TM4SF18: variants seen among roughly 807,000 people sequenced by gnomAD.
The protein encoded by TM4SF18 is transmembrane 4 L six family member 18, also known as transmembrane 4 L6 family member 18.
TM4SF18 carries 22 observed loss-of-function variants against 23.8 expected under a neutral mutation model. That is an observed-to-expected ratio of 0.92 (90% confidence interval 0.66 to 1.32). The LOEUF is 1.32. Among genes scored for constraint, TM4SF18 ranks in the 40% most tolerant of loss-of-function variants. TM4SF18 has a pLI of 0.00. For missense variants in TM4SF18, 255 were observed against 240.3 expected, an observed-to-expected ratio of 1.06 and a Z score of -0.41; for synonymous variants, 87 against 87.9, an observed-to-expected ratio of 0.99 and a Z score of 0.06.
chr3:149,323,012 C>T (rs1408880348), intron 4 of TM4SF18, among the ~76,000 whole-genome samples: 1 of 151,908 alleles, frequency 6.6e-6, no homozygotes, highest in Non-Finnish European at 1.5e-5. Context: ...ACGCCATTCT[C>T]CTGCCTCAGC....
chr3:149,322,204 G>T, intron 5 of TM4SF18, 52 bp downstream of exon 5: 1 of 1,492,236 alleles, frequency 6.7e-7, no homozygotes, highest in Non-Finnish European at 9.1e-7. Flanking sequence ...ATTGAATCCT[G>T]GGAAGTGGGG....
In TM4SF18 at chr3:149,324,451, G is replaced by T. The variant is rs979816872; in HGVS notation, c.410+429C>A. Among the ~76,000 whole-genome samples, 16 of 152,016 alleles carry T rather than the reference G, an allele frequency of 1.1e-4. No homozygotes were observed. In the East Asian group the frequency reaches 1.2e-3, roughly 11 times the overall value. The stretch of plus-strand genomic sequence containing the variant: ...TAGCCCTGAGTGGCACCATCCAAGA[G>T]CACCATGGTTTCTCTCCTCCTCAAG... On this transcript the variant is annotated intron_variant, in intron 4 of 5. Transcript: ENST00000296059.
chr3:149,318,502 T>C lies in TM4SF18; in HGVS notation c.*2976A>G, dbSNP rs1389384240. The C allele has an allele frequency of 6.6e-6, 1 of 152,236 alleles. No individual in the cohort carries two copies. The highest frequency in any genetic ancestry group is 2.4e-5 in the African/African-American group (1 of 41,468). The allele number at this position is 152,236 out of a possible 1,614,324, so 9.4% of individuals were successfully genotyped here. On this transcript the variant is annotated 3_prime_UTR_variant, in exon 6 of 6. Coordinates refer to ENST00000296059, the MANE Select transcript of TM4SF18 (RefSeq NM_138786.4). The stretch of plus-strand genomic sequence containing the variant: ...ACAGAAAGAATTAGAGGACCATTGC[T>C]TTTTAAATGACATTTATTTTTTCTA...
At chr3:149,329,759 G>A (rs1467874112) in intron 3 of TM4SF18, among the ~76,000 whole-genome samples, 1 of 152,144 alleles carries the variant, frequency 6.6e-6, no homozygotes, top group East Asian at 1.9e-4. Context: ...CTTAGAAAAT[G>A]CACATCACAT....
At chr3:149,323,572 C>G (rs1730863601) in intron 4 of TM4SF18, among the ~76,000 whole-genome samples, 1 of 152,188 alleles carries the variant, frequency 6.6e-6, no homozygotes, top group South Asian at 2.1e-4. Flanking sequence ...TATCAGTTCC[C>G]AAATAATACT....
chr3:149,330,366 T>C lies in TM4SF18; in HGVS notation c.231A>G (p.Lys77=). The C allele has an allele frequency of 1.9e-6, 3 of 1,612,588 alleles. No individual in the cohort carries two copies. The highest frequency in any genetic ancestry group is 1.7e-6 in the Non-Finnish European group (2 of 1,179,084). ...LLVLENNNNY[K]CCQSENCSKK... ...TGCTGCAGTTTTCACTCTGGCAACA[T>C]TTATAGTTGTTATTATTCTCCAGTA... is the stretch of plus-strand genomic sequence containing the variant. Residue 77 remains lysine, a synonymous_variant, in exon 3 of 6, where the codon AAA becomes AAG. Coordinates refer to ENST00000296059, the MANE Select transcript of TM4SF18 (RefSeq NM_138786.4).
chr3:149,326,403 T>C (rs921981207), intron 3 of TM4SF18, among the ~76,000 whole-genome samples: 1 of 152,234 alleles, frequency 6.6e-6, no homozygotes, highest in African/African-American at 2.4e-5. Flanking sequence ...GTGCTAAGTT[T>C]GATCTCTTGG....
At position 149,333,188 on chromosome 3, in the gene TM4SF18, C is replaced by A; in HGVS notation, c.177+18G>T. 1 of 1,601,076 alleles carries A rather than the reference C, an allele frequency of 6.2e-7. No homozygotes were observed. Among genetic ancestry groups the A allele is most frequent in the South Asian group, 1.1e-5 (1 of 88,418 alleles). ...TACAACTCCCCCTTCTCTCCCAAGT[C>A]TCCAAATTCATACTTACCATGATGC... On this transcript the variant is annotated intron_variant, in intron 2 of 5. Transcript: ENST00000296059.
intron 2 of TM4SF18, among the ~76,000 whole-genome samples, chr3:149,330,740 A>T (rs943343533): frequency 4.6e-5 from 7 of 152,214 alleles, no homozygotes; most frequent in African/African-American, 1.4e-4. Flanking sequence ...TGGACAGGAG[A>T]ATACCACCCT....
intron 3 of TM4SF18, chr3:149,330,041 A>C (rs904931400): frequency 4.8e-5 from 10 of 209,214 alleles, no homozygotes; most frequent in African/African-American, 2.1e-4. Flanking sequence ...AGCCCTCAAT[A>C]AAGTTTGTAA....
Position 149,319,124 on chromosome 3 carries a change from C to T in TM4SF18, c.*2354G>A, listed in dbSNP as rs1730743520. On this transcript the variant is annotated 3_prime_UTR_variant, in exon 6 of 6. Transcript: ENST00000296059. Reference sequence around the variant, plus strand: ...TGTGGTGGAGTCATTCAGCAAACATCTATTAACAGTCCATTCAACGTACGG... The same window carrying T: ...TGTGGTGGAGTCATTCAGCAAACATTTATTAACAGTCCATTCAACGTACGG... 6.6e-6 allele frequency: 1 copy of T among 152,180 alleles called. No individual in the cohort carries two copies. The highest frequency in any genetic ancestry group is 2.4e-5 in the African/African-American group (1 of 41,436). The allele number at this position is 152,180 out of a possible 1,614,324, so 9.4% of individuals were successfully genotyped here.
At chr3:149,323,120 G>A (rs928094307) in intron 4 of TM4SF18, among the ~76,000 whole-genome samples, 2 of 151,872 alleles carry the variant, frequency 1.3e-5, no homozygotes, top group African/African-American at 2.4e-5. Flanking sequence ...GGATGGTCTC[G>A]ATCTCCTGAC....
rs376720070 is a variant in TM4SF18, at chr3:149,333,299, CA to C, written c.83del (p.Leu28CysfsTer32). The C allele has an allele frequency of 1.3e-4, 206 of 1,613,878 alleles. 1 individual carries two copies. In the East Asian group the frequency reaches 2.2e-3, roughly 17 times the overall value. ...ALWSIIVNIL[L>X]YFPNGQTSYA... ...AGGAAGTTTGCCCATTCGGGAAATA[CA>C]ATAATATGTTCACGATTATACTCCA... is the stretch of plus-strand genomic sequence containing the variant. On this transcript the variant is annotated frameshift_variant, in exon 2 of 6. Transcript: ENST00000296059. LOFTEE classifies it high-confidence loss of function.
At chr3:149,330,779 C>G (rs1399885383) in intron 2 of TM4SF18, among the ~76,000 whole-genome samples, 3 of 152,156 alleles carry the variant, frequency 2.0e-5, no homozygotes, top group Admixed American at 6.6e-5. Flanking sequence ...TTCTCAATGA[C>G]TCAGTTGTGG....
chr3:149,322,824 A>G (rs972529751), intron 4 of TM4SF18, among the ~76,000 whole-genome samples: 1 of 151,998 alleles, frequency 6.6e-6, no homozygotes, highest in African/African-American at 2.4e-5. Flanking sequence ...AATGGGAAAG[A>G]GCACAGAATA....
Position 149,322,271 on chromosome 3 carries a change from A to C in TM4SF18, c.576T>G (p.Tyr192Ter), listed in dbSNP as rs766904075. The C allele has an allele frequency of 6.2e-7, 1 of 1,612,516 alleles. No individual in the cohort carries two copies. Among genetic ancestry groups the C allele is most frequent in the South Asian group, 1.1e-5 (1 of 90,730 alleles). The change falls in exon 5 of 6, where the codon TAT (tyrosine) becomes TAG (stop). Residue 192 changes from tyrosine (Y) to a stop codon, truncating the protein, a stop_gained. Coordinates refer to ENST00000296059, the MANE Select transcript of TM4SF18 (RefSeq NM_138786.4). LOFTEE classifies it high-confidence loss of function. The part of the protein sequence containing the change: ...MQLSKILCGS[Y>*]SVIFQPGII ...AATCTGTTACCTGGAAGATCACTGA[A>C]TAGCTTCCACACAGTATCTTGGATA...
chr3:149,321,400 T>A lies in TM4SF18; in HGVS notation c.*78A>T. The A allele has an allele frequency of 1.8e-6, 2 of 1,103,784 alleles. No homozygotes were observed. Among genetic ancestry groups the A allele is most frequent in the Non-Finnish European group, 2.5e-6 (2 of 786,946 alleles). 68.4% of individuals were successfully genotyped at this position (1,103,784 alleles called of 1,614,324 possible). On this transcript the variant is annotated 3_prime_UTR_variant, in exon 6 of 6. Transcript: ENST00000296059. ...GCAGAAAGCACCATCATTTCAATAT[T>A]GCCCTCAAGTCTACACAGTTGATAT... is the stretch of plus-strand genomic sequence containing the variant.
Position 149,333,104 on chromosome 3 carries a change from T to C in TM4SF18, c.177+102A>G. 3.4e-6 allele frequency: 4 copies of C among 1,175,172 alleles called. No homozygotes were observed. In the East Asian group the frequency reaches 9.6e-5, roughly 28 times the overall value. The allele number at this position is 1,175,172 out of a possible 1,614,324, so 72.8% of individuals were successfully genotyped here. On this transcript the variant is annotated intron_variant, in intron 2 of 5. Coordinates refer to ENST00000296059, the MANE Select transcript of TM4SF18 (RefSeq NM_138786.4). ...CCTCTTTCAAATCCTACACCCAAGA[T>C]TAGCAGAATGATTTTTCCATTATTC...
At chr3:149,323,415 A>C (rs952163834) in intron 4 of TM4SF18, among the ~76,000 whole-genome samples, 1 of 152,060 alleles carries the variant, frequency 6.6e-6, no homozygotes, top group African/African-American at 2.4e-5. Context: ...CCTCCTCTAG[A>C]CTGTTCCTAG....
Sources: gnomAD v4.1 joint callset for allele counts (sites outside exome capture counted in the v4.1 genomes callset) on GRCh38, gnomAD v4.1.1 for gene constraint, MANE v1.5 for transcripts, NCBI Gene and HGNC (gene_info 2026-07-23, HGNC 2026-07-21) for gene names.